Variants in PSORS1C1 observed in about 807,000 individuals in gnomAD.
The protein encoded by PSORS1C1 is psoriasis susceptibility 1 candidate 1, also known as psoriasis susceptibility 1 candidate gene 1 protein.
In PSORS1C1, 7 loss-of-function variants were observed where a neutral mutation model predicts 9.4. The observed-to-expected ratio is 0.75, with a 90% confidence interval of 0.42 to 1.40. The LOEUF is 1.40. Ranked by LOEUF, PSORS1C1 falls within the 40% of genes most tolerant of loss-of-function variation. The pLI, the probability that PSORS1C1 is intolerant of heterozygous loss-of-function variation, is 0.01. For synonymous variants in PSORS1C1, 63 were observed against 69.4 expected, an observed-to-expected ratio of 0.91 and a Z score of 0.46; for missense variants, 146 against 178.1, an observed-to-expected ratio of 0.82 and a Z score of 1.02.
At position 31,114,879 on chromosome 6, in the gene PSORS1C1, T is replaced by A. The variant is rs1322567771; in HGVS notation, c.-241T>A. The A allele has an allele frequency of 2.3e-6, 1 of 441,876 alleles. No individual in the cohort carries two copies. Among genetic ancestry groups the A allele is most frequent in the East Asian group, 7.5e-5 (1 of 13,312 alleles). 27.4% of individuals were successfully genotyped at this position (441,876 alleles called of 1,614,324 possible). A position where few individuals can be genotyped will look rare whatever the true frequency, so the allele number is the denominator to read the frequency against. On this transcript the variant is annotated 5_prime_UTR_variant, in exon 1 of 6. An upstream start codon of the reference 5' UTR is lost. Transcript: ENST00000259881. ...CGAGACTCATGACTCCCAGAGAGGA[T>A]GGCATCTAGAAGGTGAGGAATGCTA... is the stretch of plus-strand genomic sequence containing the variant.
Position 31,138,721 on chromosome 6 carries a change from C to G in PSORS1C1, c.109C>G (p.Arg37Gly), listed in dbSNP as rs540640358. The change falls in exon 5 of 6, where the codon CGT becomes GGT. Residue 37 changes from arginine (R) to glycine (G), a missense_variant. Arg to Gly is a moderately radical substitution (Grantham distance 125). Transcript: ENST00000259881. Reference sequence around the variant, plus strand: ...CACAGATCCCAGCTCCGAGGAAACTCGTCCCCCCCACGTTAATCCTGACCG... The same window carrying G: ...CACAGATCCCAGCTCCGAGGAAACTGGTCCCCCCCACGTTAATCCTGACCG... ...LNTDPSSEET[R>G]PPHVNPDRLC... The G allele has an allele frequency of 1.3e-6, 2 of 1,590,254 alleles. No homozygotes were observed.
In PSORS1C1 at chr6:31,139,065, C is replaced by G. The variant is rs1773316874; in HGVS notation, c.167+286C>G. The G allele has an allele frequency of 6.3e-7, 1 of 1,591,662 alleles. No individual in the cohort carries two copies. The highest frequency in any genetic ancestry group is 1.3e-5 in the African/African-American group (1 of 74,390). Reference sequence around the variant, plus strand: ...CCCCCAAAGCTGGGGTGGGCTGAGTCTGGGTGCCTGGGAACCCCAAGAGGC... The same window carrying G: ...CCCCCAAAGCTGGGGTGGGCTGAGTGTGGGTGCCTGGGAACCCCAAGAGGC... On this transcript the variant is annotated intron_variant, in intron 5 of 5. Transcript: ENST00000259881. This position sits in a 1 kb window ranked among gnomAD's most constrained non-coding sequence, Gnocchi z 5.2.
At chr6:31,137,382 A>C (rs1238633153) in intron 3 of PSORS1C1, among the ~76,000 whole-genome samples, 1 of 152,136 alleles carries the variant, frequency 6.6e-6, no homozygotes, top group Non-Finnish European at 1.5e-5. Flanking sequence ...TGAACCCGGG[A>C]GGCGGAGCTT....
chr6:31,138,494 T>G (rs1773277446), intron 4 of PSORS1C1, 35 bp downstream of exon 4: 5 of 1,611,250 alleles, frequency 3.1e-6, no homozygotes, highest in Non-Finnish European at 3.4e-6. Context: ...TGGTAAAATG[T>G]CATGAACCCC....
At position 31,125,831 on chromosome 6, in the gene PSORS1C1, A is replaced by G. The variant is rs1251572524; in HGVS notation, c.-73A>G. On this transcript the variant is annotated 5_prime_UTR_variant, in exon 2 of 6. Coordinates refer to ENST00000259881, the MANE Select transcript of PSORS1C1 (RefSeq NM_014068.3). ...GACCGTGGGCTCCATGCCAGTGGGC[A>G]AAGCACAGGTGCGTTCACTGAGTTC... 1 of 152,274 alleles carries G rather than the reference A, an allele frequency of 6.6e-6. No individual in the cohort carries two copies. The highest frequency in any genetic ancestry group is 2.4e-5 in the African/African-American group (1 of 41,460). The allele number at this position is 152,274 out of a possible 1,614,324, so 9.4% of individuals were successfully genotyped here. A position where few individuals can be genotyped will look rare whatever the true frequency, so the allele number is the denominator to read the frequency against.
intron 3 of PSORS1C1, 157 bp from the exon 4 acceptor site, chr6:31,138,273 G>A: frequency 6.3e-7 from 1 of 1,579,826 alleles, no homozygotes; most frequent in Non-Finnish European, 8.6e-7. Context: ...CTCTGCGGGT[G>A]GGTGAGAGGG....
chr6:31,117,599 C>A, intron 1 of PSORS1C1: 1 of 1,373,262 alleles, frequency 7.3e-7, no homozygotes, highest in Non-Finnish European at 1.0e-6. Context: ...TCTGCCTTAT[C>A]TCAGTCATCG....
rs1772785977 is a variant in PSORS1C1 at position 31,128,741 on chromosome 6, G to T, written c.-64-828G>T. ...TAAGTTTATACCAAAGCGAGTCTTG[G>T]GTCTAATAATTTTGAAACATGAAAT... On this transcript the variant is annotated intron_variant, in intron 2 of 5. Transcript: ENST00000259881. The surrounding 1 kb of genome is among the most constrained non-coding windows in gnomAD (Gnocchi z 4.3). 6.6e-6 allele frequency among the ~76,000 whole-genome samples: 1 copy of T among 152,180 alleles called. No homozygotes were observed. The highest frequency in any genetic ancestry group is 1.5e-5 in the Non-Finnish European group (1 of 68,036).
In PSORS1C1 at chr6:31,127,657, T is replaced by G. The variant is rs185542681; in HGVS notation, c.-65+1818T>G. On this transcript the variant is annotated intron_variant, in intron 2 of 5. Coordinates refer to ENST00000259881, the MANE Select transcript of PSORS1C1 (RefSeq NM_014068.3). ...GATGAAACCCCATCTCTACTAAAAA[T>G]ACAAAAATTAGCCGGGTGTGGTGGT... Among the ~76,000 whole-genome samples, 449 of 151,568 alleles carry G rather than the reference T, an allele frequency of 3.0e-3. 15 individuals carry two copies. In the South Asian group the frequency reaches 0.067, roughly 22 times the overall value.
chr6:31,130,391 C>A (rs940426189), intron 3 of PSORS1C1, among the ~76,000 whole-genome samples: 4 of 147,862 alleles, frequency 2.7e-5, no homozygotes, highest in African/African-American at 1.0e-4. Flanking sequence ...TACAGGCATG[C>A]ACTACCATGG....
At chr6:31,122,301 T>A (rs6913137) in intron 1 of PSORS1C1, among the ~76,000 whole-genome samples, 1 of 152,160 alleles carries the variant, frequency 6.6e-6, no homozygotes, top group South Asian at 2.1e-4. Flanking sequence ...AATGGAGCCC[T>A]GCAGGTGCTC....
Position 31,138,684 on chromosome 6 carries a change from C to T in PSORS1C1, c.72C>T (p.Pro24=), listed in dbSNP as rs751189860. The stretch of plus-strand genomic sequence containing the variant: ...CACAGACCCCAGCTTTACAAGGACC[C>T]CAGCTCCTTAACACAGATCCCAGCT... The part of the protein sequence containing the change: ...LGTQTPALQG[P]QLLNTDPSSE... Residue 24 remains proline, a synonymous_variant, in exon 5 of 6, where the codon CCC becomes CCT. Transcript: ENST00000259881. 1 of 1,613,324 alleles carries T rather than the reference C, an allele frequency of 6.2e-7. No homozygotes were observed. The highest frequency in any genetic ancestry group is 8.5e-7 in the Non-Finnish European group (1 of 1,179,960).
intron 1 of PSORS1C1, chr6:31,117,101 T>C (rs1562752728): frequency 1.2e-6 from 2 of 1,614,180 alleles, no homozygotes; most frequent in South Asian, 2.2e-5. Context: ...GCAGAGCCAT[T>C]CCCTACTTGG....
intron 1 of PSORS1C1, chr6:31,120,238 G>A: frequency 1.0e-6 from 1 of 964,068 alleles, no homozygotes; most frequent in Non-Finnish European, 1.6e-6. Context: ...AGACTCAAAA[G>A]GCAGATTCCA....
At chr6:31,130,091 C>CA (rs1772839326) in intron 3 of PSORS1C1, among the ~76,000 whole-genome samples, 1 of 151,726 alleles carries the variant, frequency 6.6e-6, no homozygotes, top group South Asian at 2.1e-4. Flanking sequence ...GAACCTGTCT[C>CA]AAAAAATAAA....
chr6:31,121,548 C>T (rs923391695), intron 1 of PSORS1C1, among the ~76,000 whole-genome samples: 1 of 152,194 alleles, frequency 6.6e-6, no homozygotes, highest in Non-Finnish European at 1.5e-5. Context: ...GCCCCTGCCC[C>T]GCCCCAGCCA....
chr6:31,137,239 G>T (rs923916292), intron 3 of PSORS1C1, among the ~76,000 whole-genome samples: 4 of 152,160 alleles, frequency 2.6e-5, no homozygotes, highest in Non-Finnish European at 5.9e-5. Flanking sequence ...GGCAGATCAC[G>T]AGGTCAGGAG....
chr6:31,119,651 C>A (rs1772356089), intron 1 of PSORS1C1, among the ~76,000 whole-genome samples: 1 of 152,210 alleles, frequency 6.6e-6, no homozygotes, highest in Admixed American at 6.5e-5. Context: ...GTAATCCCAG[C>A]ACCTTGGGAG....
rs1459745764 is a variant in PSORS1C1, at chr6:31,138,471, A to C, written c.43+12A>C. The C allele has an allele frequency of 1.9e-6, 3 of 1,612,690 alleles. No homozygotes were observed. Among genetic ancestry groups the C allele is most frequent in the Non-Finnish European group, 2.5e-6 (3 of 1,179,898 alleles). The stretch of plus-strand genomic sequence containing the variant: ...TCAAAGAGCTCTCGGTAGGTTTGTA[A>C]ATACTTAACTGATGGTAAAATGTCA... On this transcript the variant is annotated intron_variant, in intron 4 of 5. Coordinates refer to ENST00000259881, the MANE Select transcript of PSORS1C1 (RefSeq NM_014068.3).
Sources: allele counts gnomAD v4.1 joint callset (sites outside exome capture counted in the v4.1 genomes callset), GRCh38; gene constraint gnomAD v4.1.1; non-coding constraint Gnocchi (gnomAD v3.1); transcripts MANE v1.5; gene names NCBI Gene and HGNC (gene_info 2026-07-23, HGNC 2026-07-21).